Variants in SHROOM3 observed in about 807,000 individuals in gnomAD.
SHROOM3 encodes protein Shroom3.
SHROOM3 carries 47 observed loss-of-function variants against 138.6 expected under a neutral mutation model. The observed-to-expected ratio is 0.34, with a 90% CI of 0.27 to 0.43. The LOEUF (loss-of-function observed/expected upper bound fraction) is 0.43. SHROOM3 is among the 20% of genes least tolerant of loss of function. The probability of loss-of-function intolerance (pLI) is 1.00; values close to 1 mark genes in which losing one functional copy is unlikely to be tolerated. For synonymous variants in SHROOM3, 1,062 were observed against 1,063.3 expected (o/e 1.00, Z 0.02); for missense variants, 2,491 against 2,596.5 (o/e 0.96, Z 0.88).
intron 2 of SHROOM3, among the ~76,000 whole-genome samples, chr4:76,576,416 A>G (rs1057497307): frequency 2.6e-5 from 4 of 152,232 alleles, no homozygotes; most frequent in African/African-American, 9.6e-5. Context: ...CAAACTTTGC[A>G]TATTCTCACT....
chr4:76,531,073 C>T (rs887116020), intron 1 of SHROOM3, among the ~76,000 whole-genome samples: 2 of 152,158 alleles, frequency 1.3e-5, no homozygotes, highest in Non-Finnish European at 2.9e-5. Context: ...AAAACCCTTG[C>T]ACTCAGTGTA....
Position 76,741,971 on chromosome 4 carries a change from C to T in SHROOM3, c.3753+45C>T, listed in dbSNP as rs765498604. 1 of 1,599,240 alleles carries T rather than the reference C, an allele frequency of 6.3e-7. No homozygotes were observed. The highest frequency in any genetic ancestry group is 1.1e-5 in the South Asian group (1 of 88,364). On this transcript the variant is annotated intron_variant, in intron 5 of 10. Transcript: ENST00000296043. This position sits in a 1 kb window ranked among gnomAD's most constrained non-coding sequence, Gnocchi z 6.2. ...CCTGGCCTCGAACTGTCCCTTCCTC[C>T]CTAGAAGCTTTAGTGGGGCTCCCCA...
At chr4:76,650,481 G>A (rs1473271755) in intron 2 of SHROOM3, among the ~76,000 whole-genome samples, 2 of 151,966 alleles carry the variant, frequency 1.3e-5, no homozygotes, top group African/African-American at 4.8e-5. Flanking sequence ...AGAGGTATCT[G>A]CACTTCTGTG....
At chr4:76,450,718 A>T (rs1005106564) in intron 1 of SHROOM3, among the ~76,000 whole-genome samples, 1 of 152,252 alleles carries the variant, frequency 6.6e-6, no homozygotes, top group Admixed American at 6.5e-5. Context: ...ATGGATAGGA[A>T]TAGAGAGTGA....
At chr4:76,610,568 C>T (rs957710714) in intron 2 of SHROOM3, among the ~76,000 whole-genome samples, 1 of 152,052 alleles carries the variant, frequency 6.6e-6, no homozygotes, top group Admixed American at 6.6e-5. Flanking sequence ...TTATATATTT[C>T]CTAAATATCC....
chr4:76,744,249 CA>C (rs1470542189), intron 5 of SHROOM3, among the ~76,000 whole-genome samples: 1 of 152,104 alleles, frequency 6.6e-6, no homozygotes. Context: ...AAGGGAATGC[CA>C]TATTTAGATG....
rs368985281 is a variant in SHROOM3, at chr4:76,492,825, ACACTC to A, written c.168+56607_168+56611del. On this transcript the variant is annotated intron_variant, in intron 1 of 10. Transcript: ENST00000296043. ...CTTCCCTATGCTCCTCTCTGAGAAA[ACACTC>A]CTGCAGACAGAGAGCAGGCAAAGAA... Among the ~76,000 whole-genome samples the A allele has an allele frequency of 6.5e-4, 99 of 152,252 alleles. 1 individual carries two copies. In the South Asian group the frequency reaches 0.02, roughly 30 times the overall value.
chr4:76,671,182 A>C (rs1034676468), intron 2 of SHROOM3, among the ~76,000 whole-genome samples: 11 of 152,228 alleles, frequency 7.2e-5, no homozygotes, highest in South Asian at 4.1e-4. Context: ...GGCCTCATGG[A>C]GCTTACATAT....
intron 2 of SHROOM3, among the ~76,000 whole-genome samples, chr4:76,607,322 T>C (rs975609761): frequency 3.2e-4 from 49 of 151,456 alleles, no homozygotes; most frequent in African/African-American, 1.1e-3. Context: ...ACTCCCACAC[T>C]CTGAGGAATT....
chr4:76,638,465 CTTG>C (rs1735566689), intron 2 of SHROOM3, among the ~76,000 whole-genome samples: 1 of 152,096 alleles, frequency 6.6e-6, no homozygotes, highest in South Asian at 2.1e-4. Context: ...AGGAGGATCG[CTTG>C]CGCCTAGGAG....
intron 2 of SHROOM3, among the ~76,000 whole-genome samples, chr4:76,604,270 G>A (rs1245733863): frequency 6.6e-6 from 1 of 152,116 alleles, no homozygotes; most frequent in Non-Finnish European, 1.5e-5. Context: ...CTGGTTGATT[G>A]TGCTTTAAAG....
At chr4:76,518,623 A>G (rs1423623627) in intron 1 of SHROOM3, among the ~76,000 whole-genome samples, 1 of 151,868 alleles carries the variant, frequency 6.6e-6, no homozygotes, top group Non-Finnish European at 1.5e-5. Context: ...ATGATTTCAA[A>G]GAATCAAAAA....
intron 9 of SHROOM3, among the ~76,000 whole-genome samples, chr4:76,765,011 A>AT (rs896706825): frequency 7.4e-5 from 11 of 149,436 alleles, no homozygotes; most frequent in African/African-American, 9.9e-5. Flanking sequence ...AGCTCCATTC[A>AT]TTTTTTTTTA....
intron 2 of SHROOM3, among the ~76,000 whole-genome samples, chr4:76,684,587 G>A (rs1466269788): frequency 5.3e-5 from 8 of 152,092 alleles, no homozygotes; most frequent in South Asian, 4.2e-4. Context: ...GATAGCTTTC[G>A]GGATAATAGC....
intron 2 of SHROOM3, among the ~76,000 whole-genome samples, chr4:76,662,714 C>T (rs1273553720): frequency 6.6e-6 from 1 of 152,196 alleles, no homozygotes; most frequent in Non-Finnish European, 1.5e-5. Flanking sequence ...GTATACTTTC[C>T]TTCTAAAGAA....
At chr4:76,640,927 G>A (rs1255369099) in intron 2 of SHROOM3, among the ~76,000 whole-genome samples, 7 of 152,162 alleles carry the variant, frequency 4.6e-5, no homozygotes, top group Non-Finnish European at 1.0e-4. Context: ...CAAGCAGTGG[G>A]TCAAACCAAA....
At chr4:76,505,753 T>G (rs1732196587) in intron 1 of SHROOM3, among the ~76,000 whole-genome samples, 1 of 151,734 alleles carries the variant, frequency 6.6e-6, no homozygotes, top group African/African-American at 2.4e-5. Context: ...CTTGAACTCT[T>G]GGGCTCAAAT....
At position 76,500,118 on chromosome 4, in the gene SHROOM3, C is replaced by T. The variant is rs141148903; in HGVS notation, c.169-55491C>T. 3.9e-3 allele frequency among the ~76,000 whole-genome samples: 592 copies of T among 152,238 alleles called. 2 individuals are homozygous for T. Among genetic ancestry groups the T allele is most frequent in the Non-Finnish European group, 6.5e-3 (440 of 68,016 alleles). On this transcript the variant is annotated intron_variant, in intron 1 of 10. Transcript: ENST00000296043. Reference sequence around the variant, plus strand: ...TGACTTCAGAGTCCATGCTCCAGTTCGGACATTAGACAGTGAGCTTGACTT... The same window carrying T: ...TGACTTCAGAGTCCATGCTCCAGTTTGGACATTAGACAGTGAGCTTGACTT...
chr4:76,551,652 C>G (rs1560542770), intron 1 of SHROOM3, among the ~76,000 whole-genome samples: 1 of 152,054 alleles, frequency 6.6e-6, no homozygotes, highest in Non-Finnish European at 1.5e-5. Flanking sequence ...CTCATGAAGT[C>G]TCTTCAATAA....
Sources: allele counts gnomAD v4.1 joint callset (sites outside exome capture counted in the v4.1 genomes callset), GRCh38; gene constraint gnomAD v4.1.1; non-coding constraint Gnocchi (gnomAD v3.1); transcripts MANE v1.5; gene names NCBI Gene and HGNC (gene_info 2026-07-23, HGNC 2026-07-21).